Variants in DCC observed in about 807,000 individuals in gnomAD.
DCC encodes netrin receptor DCC.
DCC carries 58 observed loss-of-function variants against 172.5 expected under a neutral mutation model. The ratio of observed to expected loss-of-function variants is 0.34; its 90% CI spans 0.27 to 0.42. The LOEUF is 0.42. Among genes scored for constraint, DCC ranks in the 10% least tolerant of loss-of-function variants. The pLI is 1.00. For missense variants in DCC, 1,740 were observed against 1,791.0 expected (o/e 0.97, Z 0.51); for synonymous variants, 709 against 644.5 (o/e 1.10, Z -1.52).
At position 52,694,429 on chromosome 18, in the gene DCC, T is replaced by C. The variant is rs375875591; in HGVS notation, c.92-57625T>C. Among the ~76,000 whole-genome samples the C allele has an allele frequency of 5.3e-5, 8 of 152,104 alleles. No homozygotes were observed. In the East Asian group the frequency reaches 7.8e-4, roughly 15 times the overall value. ...ATTTCAGTTAGTAGTAAAAAAATAA[T>C]AATAAAGGAAGGTGTTGGTCCAAAT... On this transcript the variant is annotated intron_variant, in intron 1 of 28. Coordinates refer to ENST00000442544, the MANE Select transcript of DCC (RefSeq NM_005215.4).
chr18:52,848,053 G>A (rs1479050891), intron 2 of DCC, among the ~76,000 whole-genome samples: 1 of 151,264 alleles, frequency 6.6e-6, no homozygotes, highest in Non-Finnish European at 1.5e-5. Flanking sequence ...AGGAAAAACA[G>A]GAAAAGGTTC....
chr18:52,928,054 G>A (rs1268991414), intron 5 of DCC, among the ~76,000 whole-genome samples: 1 of 152,034 alleles, frequency 6.6e-6, no homozygotes, highest in Non-Finnish European at 1.5e-5. Context: ...AGAAAATATG[G>A]TAAATATACA....
intron 11 of DCC, among the ~76,000 whole-genome samples, chr18:53,214,501 T>A (rs993528110): frequency 6.6e-6 from 1 of 152,144 alleles, no homozygotes; most frequent in Non-Finnish European, 1.5e-5. Flanking sequence ...GTAAGTACTC[T>A]ATAGAAAAAC....
rs753668217 is a variant in DCC at position 53,410,467 on chromosome 18, A to T, written c.2951A>T (p.Tyr984Phe). 1.2e-6 allele frequency: 2 copies of T among 1,605,760 alleles called. No homozygotes were observed. Among genetic ancestry groups the T allele is most frequent in the Non-Finnish European group, 1.7e-6 (2 of 1,172,454 alleles). ...ATTTATGCAGCTTACATCTTATTTTATACCTTGGACAAGAACATCCCAATT... is the reference window on the plus strand; with the variant it reads ...ATTTATGCAGCTTACATCTTATTTTTTACCTTGGACAAGAACATCCCAATT... The part of the protein sequence containing the change: ...NGKITAYILF[Y>F]TLDKNIPIDD... Residue 984 changes from tyrosine (Y) to phenylalanine (F), a missense_variant, in exon 20 of 29, where the codon TAT becomes TTT. By Grantham distance (22) the Tyr-to-Phe change is conservative. Coordinates refer to ENST00000442544, the MANE Select transcript of DCC (RefSeq NM_005215.4).
At chr18:53,329,446 CAT>C (rs1353151439) in intron 14 of DCC, among the ~76,000 whole-genome samples, 1 of 151,898 alleles carries the variant, frequency 6.6e-6, no homozygotes, top group African/African-American at 2.4e-5. Context: ...GTTTCAAAAA[CAT>C]AGCTTTTCTT....
At chr18:53,449,047 G>C (rs961824142) in intron 22 of DCC, among the ~76,000 whole-genome samples, 1 of 152,134 alleles carries the variant, frequency 6.6e-6, no homozygotes, top group Admixed American at 6.6e-5. Flanking sequence ...CACACAATAA[G>C]TATTACATTC....
At chr18:52,632,522 A>G (rs1041575674) in intron 1 of DCC, among the ~76,000 whole-genome samples, 2 of 152,248 alleles carry the variant, frequency 1.3e-5, no homozygotes, top group Non-Finnish European at 2.9e-5. Context: ...TTGACATCCA[A>G]CAATTCAAAG....
intron 2 of DCC, among the ~76,000 whole-genome samples, chr18:52,780,030 T>G (rs1417336222): frequency 1.3e-5 from 2 of 151,290 alleles, no homozygotes; most frequent in Admixed American, 6.6e-5. Flanking sequence ...ATTTCCAATC[T>G]ATGGATATAA....
intron 3 of DCC, among the ~76,000 whole-genome samples, chr18:52,915,906 C>G (rs947331332): frequency 6.6e-6 from 1 of 152,030 alleles, no homozygotes; most frequent in Non-Finnish European, 1.5e-5. Flanking sequence ...CATTTGTTCT[C>G]AAAGTATGGT....
chr18:53,251,958 A>G (rs1387037403), intron 12 of DCC, among the ~76,000 whole-genome samples: 1 of 151,676 alleles, frequency 6.6e-6, no homozygotes, highest in Non-Finnish European at 1.5e-5. Context: ...AGGTCTCTTC[A>G]TTTCACCCCA....
intron 1 of DCC, among the ~76,000 whole-genome samples, chr18:52,469,547 TA>T (rs1228150084): frequency 6.6e-6 from 1 of 152,114 alleles, no homozygotes; most frequent in Non-Finnish European, 1.5e-5. Flanking sequence ...ATACTAATGA[TA>T]AAAAAGAAAT....
intron 5 of DCC, among the ~76,000 whole-genome samples, chr18:53,042,488 A>G (rs1057310076): frequency 5.9e-5 from 9 of 151,908 alleles, no homozygotes; most frequent in African/African-American, 2.2e-4. Context: ...TATCTCTGCC[A>G]GGTTTTGGTA....
In DCC at chr18:52,406,434, G is replaced by C. The variant is rs189197356; in HGVS notation, c.91+65556G>C. 5.9e-5 allele frequency among the ~76,000 whole-genome samples: 9 copies of C among 151,996 alleles called. 1 individual carries two copies. Among genetic ancestry groups the C allele is most frequent in the Admixed American group, 2.6e-4 (4 of 15,252 alleles). On this transcript the variant is annotated intron_variant, in intron 1 of 28. Transcript: ENST00000442544. ...TCGCAACCTACTCATCTGACAAAGG[G>C]CTAATATCCAGAATCTACAATGAAC...
intron 2 of DCC, among the ~76,000 whole-genome samples, chr18:52,829,923 T>A (rs1003538343): frequency 6.6e-6 from 1 of 152,104 alleles, no homozygotes; most frequent in Non-Finnish European, 1.5e-5. Flanking sequence ...AATTTCACTT[T>A]AAATATTGTG....
chr18:52,424,716 C>G (rs1471303594), intron 1 of DCC, among the ~76,000 whole-genome samples: 1 of 152,060 alleles, frequency 6.6e-6, no homozygotes, highest in Non-Finnish European at 1.5e-5. Context: ...TGAGTTACCT[C>G]TGCCAGTTCA....
chr18:53,135,017 G>A (rs968643709), intron 7 of DCC, among the ~76,000 whole-genome samples: 3 of 152,138 alleles, frequency 2.0e-5, no homozygotes, highest in African/African-American at 4.8e-5. Context: ...CATCTATGAC[G>A]TGAACACCAA....
intron 7 of DCC, among the ~76,000 whole-genome samples, chr18:53,091,229 G>T (rs750821876): frequency 6.6e-6 from 1 of 151,550 alleles, no homozygotes; most frequent in Non-Finnish European, 1.5e-5. Flanking sequence ...GATCCAAGCA[G>T]TTTCAGCTAG....
At chr18:53,418,276 A>G (rs1381988919) in intron 21 of DCC, among the ~76,000 whole-genome samples, 1 of 152,210 alleles carries the variant, frequency 6.6e-6, no homozygotes, top group Non-Finnish European at 1.5e-5. Context: ...CAAAGAAAGC[A>G]TATAAAATTT....
At chr18:52,986,628 G>A (rs1285478677) in intron 5 of DCC, among the ~76,000 whole-genome samples, 1 of 151,710 alleles carries the variant, frequency 6.6e-6, no homozygotes. Flanking sequence ...ACTGTTATAA[G>A]TTTATTGGTT....
Sources: allele counts gnomAD v4.1 joint callset (sites outside exome capture counted in the v4.1 genomes callset), GRCh38; gene constraint gnomAD v4.1.1; transcripts MANE v1.5; gene names NCBI Gene and HGNC (gene_info 2026-07-23, HGNC 2026-07-21).